The following SLCO2A1 variants were observed in gnomAD, a reference collection of about 807,000 sequenced individuals.
SLCO2A1 encodes the protein solute carrier organic anion transporter family member 2A1.
A neutral mutation model predicts 71.7 loss-of-function variants in SLCO2A1; 60 were observed. The ratio of observed to expected loss-of-function variants is 0.84; its 90% CI spans 0.68 to 1.04. The LOEUF is 1.04. SLCO2A1 is among the 50% of genes least tolerant of loss of function. SLCO2A1 has a pLI of 0.00. For synonymous variants in SLCO2A1, 308 were observed against 326.7 expected (o/e 0.94, Z 0.62); for missense variants, 745 against 813.4 (o/e 0.92, Z 1.02).
Position 133,934,790 on chromosome 3 carries a change from G to A in SLCO2A1, c.1855C>T (p.Leu619=), listed in dbSNP as rs1452455641. 53 of 1,612,746 alleles carry A rather than the reference G, an allele frequency of 3.3e-5. No individual in the cohort carries two copies. The highest frequency in any genetic ancestry group is 4.5e-5 in the Non-Finnish European group (53 of 1,179,980). Residue 619 remains leucine (L), a synonymous_variant, in exon 14 of 14, where the codon CTG becomes TTG. Coordinates refer to ENST00000310926, the MANE Select transcript of SLCO2A1 (RefSeq NM_005630.3). ...CTCCAGCTGATGAAGCAAAGCAGCAGCATGCCCAGCGCCTTGTAGCCCATC... is the reference window on the plus strand; with the variant it reads ...CTCCAGCTGATGAAGCAAAGCAGCAACATGCCCAGCGCCTTGTAGCCCATC... ...LQMGYKALGM[L]LLCFISWRVK... is the part of the protein sequence containing the mutation.
At chr3:133,985,781 T>C (rs948762109) in intron 1 of SLCO2A1, among the ~76,000 whole-genome samples, 10 of 152,236 alleles carry the variant, frequency 6.6e-5, no homozygotes, top group Admixed American at 6.5e-5. Context: ...TAAAGTACTC[T>C]AACTGATAAG....
chr3:133,967,830 CCCCACACA>C (rs759000297), intron 3 of SLCO2A1, among the ~76,000 whole-genome samples: 3,706 of 107,598 alleles, frequency 0.034, 93 homozygotes, highest in South Asian at 0.071. Flanking sequence ...CCTCCATACC[CCCCACACA>C]TGAACACACG....
At chr3:133,995,848 A>T (rs895345436) in intron 1 of SLCO2A1, among the ~76,000 whole-genome samples, 5 of 152,240 alleles carry the variant, frequency 3.3e-5, no homozygotes, top group Non-Finnish European at 5.9e-5. Context: ...TAAAATTAAC[A>T]AATTGGGTTA....
chr3:134,011,700 G>A (rs1935349564), intron 1 of SLCO2A1, among the ~76,000 whole-genome samples: 1 of 152,198 alleles, frequency 6.6e-6, no homozygotes, highest in African/African-American at 2.4e-5. Context: ...CCTGTGTGAG[G>A]GGTCTCTGTT....
chr3:133,947,153 C>T (rs1227033681), intron 9 of SLCO2A1, 103 bp downstream of exon 9: 5 of 968,648 alleles, frequency 5.2e-6, no homozygotes, highest in South Asian at 2.0e-5. Flanking sequence ...AAAAAGTGTA[C>T]AGCAAAGAAT....
chr3:133,934,729 G>A lies in SLCO2A1; in HGVS notation c.1916C>T (p.Ala639Val), dbSNP rs142805553. ...KKNKEYNVQKAAGLI is the reference protein window; with the variant it reads ...KKNKEYNVQKVAGLI ...AGGGTGGGGTCAGATGAGGCCTGCC[G>A]CCTTCTGCACGTTGTACTCCTTGTT... is the stretch of plus-strand genomic sequence containing the variant. The change falls in exon 14 of 14, where the codon GCG becomes GTG. Residue 639 changes from alanine to valine, a missense_variant. By Grantham distance (64) the Ala-to-Val change is moderately conservative. Coordinates refer to ENST00000310926, the MANE Select transcript of SLCO2A1 (RefSeq NM_005630.3). 6.8e-5 allele frequency: 109 copies of A among 1,613,224 alleles called. No individual in the cohort carries two copies. Among genetic ancestry groups the A allele is most frequent in the East Asian group, 2.5e-4 (11 of 44,888 alleles).
intron 13 of SLCO2A1, 142 bp from the exon 14 acceptor site, chr3:133,934,972 C>T (rs1933233175): frequency 1.5e-6 from 1 of 645,254 alleles, no homozygotes; most frequent in Non-Finnish European, 2.7e-6. Flanking sequence ...GATCACTTTC[C>T]TCATTTCTTT....
rs1933645104 is a variant in SLCO2A1, at chr3:133,948,534, A to C, written c.1105+2T>G. The C allele has an allele frequency of 6.2e-7, 1 of 1,612,792 alleles. No individual in the cohort carries two copies. Among genetic ancestry groups the C allele is most frequent in the Non-Finnish European group, 8.5e-7 (1 of 1,179,364 alleles). On this transcript the variant is annotated splice_donor_variant, in intron 8 of 13. Coordinates refer to ENST00000310926, the MANE Select transcript of SLCO2A1 (RefSeq NM_005630.3). LOFTEE classifies it high-confidence loss of function. ...GGATCCTGCAGCACCCTCTGGGCTC[A>C]CCAATGAGGAAGTTGGCATAGGCTG... is the stretch of plus-strand genomic sequence containing the variant.
rs763215061 is a variant in SLCO2A1, at chr3:133,947,332, T to G, written c.1219A>C (p.Ile407Leu). ...AAAGGAACACAAAGGATCATGGAGA[T>G]GGTGATGATGGTGGTAGCTATGCGG... ...IPRIATTIITISMILCVPLFF... is the reference protein window; with the variant it reads ...IPRIATTIITLSMILCVPLFF... The change falls in exon 9 of 14, where the codon ATC (isoleucine) becomes CTC (leucine). Residue 407 changes from isoleucine to leucine, a missense_variant. Physicochemically the swap from Ile to Leu is conservative, Grantham distance 5 (BLOSUM62 2). Coordinates refer to ENST00000310926, the MANE Select transcript of SLCO2A1 (RefSeq NM_005630.3). 1 of 1,614,068 alleles carries G rather than the reference T, an allele frequency of 6.2e-7. No individual in the cohort carries two copies.
chr3:133,964,158 A>T (rs1934111823), intron 3 of SLCO2A1, among the ~76,000 whole-genome samples: 1 of 152,176 alleles, frequency 6.6e-6, no homozygotes, highest in South Asian at 2.1e-4. Flanking sequence ...AAATGAGTTG[A>T]CGTTGACAGT....
chr3:133,950,683 T>A (rs1933722319), intron 6 of SLCO2A1, among the ~76,000 whole-genome samples: 2 of 152,236 alleles, frequency 1.3e-5, no homozygotes. Context: ...TTCTCTTCCT[T>A]GCTCTCCGTT....
chr3:134,018,587 T>C lies in SLCO2A1; in HGVS notation c.96+11120A>G, dbSNP rs147472767. On this transcript the variant is annotated intron_variant, in intron 1 of 13. Transcript: ENST00000310926. ...GGGATGTTCCCTCACTGATTGGATA[T>C]ACATTACTTCACTACTGGAGCTCTG... 4.9e-4 allele frequency among the ~76,000 whole-genome samples: 74 copies of C among 152,294 alleles called. 1 individual carries two copies. The highest frequency in any genetic ancestry group is 1.4e-3 in the Admixed American group (22 of 15,296).
At chr3:133,960,451 C>T (rs757673056) in intron 3 of SLCO2A1, among the ~76,000 whole-genome samples, 2 of 152,094 alleles carry the variant, frequency 1.3e-5, no homozygotes, top group Admixed American at 6.5e-5. Flanking sequence ...ATGCCAGACA[C>T]GGAAAGACAA....
chr3:134,028,341 GA>G (rs1404868784), intron 1 of SLCO2A1, among the ~76,000 whole-genome samples: 1 of 152,136 alleles, frequency 6.6e-6, no homozygotes, highest in Non-Finnish European at 1.5e-5. Context: ...AATTCCTGAT[GA>G]AATTTCTCCA....
chr3:133,952,165 A>G (rs1003218579), intron 5 of SLCO2A1, among the ~76,000 whole-genome samples: 1 of 152,202 alleles, frequency 6.6e-6, no homozygotes, highest in Non-Finnish European at 1.5e-5. Context: ...TTGGGCAACC[A>G]AGAGCCAGGA....
At chr3:133,987,075 A>C (rs548965929) in intron 1 of SLCO2A1, among the ~76,000 whole-genome samples, 14 of 151,888 alleles carry the variant, frequency 9.2e-5, no homozygotes, top group African/African-American at 3.1e-4. Flanking sequence ...GGGAAGGAAG[A>C]CTAGAAAATT....
At chr3:133,975,731 T>G (rs2108056308) in intron 2 of SLCO2A1, among the ~76,000 whole-genome samples, 1 of 152,322 alleles carries the variant, frequency 6.6e-6, no homozygotes, top group East Asian at 1.9e-4. Context: ...CAGCCCCTTT[T>G]GTTCTTGCTG....
rs534808241 is a variant in SLCO2A1, at chr3:133,951,157, A to G, written c.861+51T>C. ...AGCTCTATTTATTTTCTACCCCCAC[A>G]TCCCTTTCTTCAACTCCATCAGGTA... On this transcript the variant is annotated intron_variant, in intron 6 of 13. Transcript: ENST00000310926. The G allele has an allele frequency of 1.8e-4, 291 of 1,610,504 alleles. 4 individuals carry two copies. In the South Asian group the frequency reaches 3.0e-3, roughly 17 times the overall value.
chr3:133,983,184 A>G (rs1934632887), intron 1 of SLCO2A1, among the ~76,000 whole-genome samples: 1 of 152,192 alleles, frequency 6.6e-6, no homozygotes, highest in Non-Finnish European at 1.5e-5. Flanking sequence ...TGGACAAAGA[A>G]TCTGGCTGGC....
Sources: allele counts gnomAD v4.1 joint callset (sites outside exome capture counted in the v4.1 genomes callset), GRCh38; gene constraint gnomAD v4.1.1; transcripts MANE v1.5; gene names NCBI Gene and HGNC (gene_info 2026-07-23, HGNC 2026-07-21).